PLA2G4C: variants seen among roughly 807,000 people sequenced by gnomAD.
The protein encoded by PLA2G4C is phospholipase A2 group IVC, also known as cytosolic phospholipase A2 gamma.
PLA2G4C carries 64 observed loss-of-function variants against 73.8 expected under a neutral mutation model. That is an observed-to-expected ratio of 0.87 (90% CI 0.71 to 1.07). The LOEUF (loss-of-function observed/expected upper bound fraction) is 1.07. PLA2G4C is among the 50% of genes least tolerant of loss of function. The pLI is 0.00. For missense variants in PLA2G4C, 622 were observed against 665.4 expected (o/e 0.93, Z 0.72); for synonymous variants, 254 against 252.1 (o/e 1.01, Z -0.07).
intron 13 of PLA2G4C, among the ~76,000 whole-genome samples, chr19:48,066,382 T>C (rs972539147): frequency 1.3e-5 from 2 of 152,180 alleles, no homozygotes; most frequent in Non-Finnish European, 2.9e-5. Context: ...CTCATCGCCA[T>C]GATCCAGTGA....
rs566265067 is a variant in PLA2G4C, at chr19:48,105,686, G to A, written c.9-242C>T. On this transcript the variant is annotated intron_variant, in intron 2 of 16. Transcript: ENST00000599921. Reference sequence around the variant, plus strand: ...AAAATGGTTAATTTTGGGGCCAGACGCGGTGGCTCACACCTGTAATCCCAG... The same window carrying A: ...AAAATGGTTAATTTTGGGGCCAGACACGGTGGCTCACACCTGTAATCCCAG... 5.3e-5 allele frequency among the ~76,000 whole-genome samples: 8 copies of A among 151,902 alleles called. No individual in the cohort carries two copies. In the South Asian group the frequency reaches 1.2e-3, roughly 24 times the overall value.
chr19:48,080,176 G>A (rs2030451036), intron 10 of PLA2G4C, among the ~76,000 whole-genome samples: 1 of 151,702 alleles, frequency 6.6e-6, no homozygotes, highest in South Asian at 2.1e-4. Flanking sequence ...GATATGAATA[G>A]ACATTTCTCA....
intron 7 of PLA2G4C, among the ~76,000 whole-genome samples, chr19:48,092,394 C>A (rs1051919417): frequency 2.0e-5 from 3 of 152,180 alleles, no homozygotes; most frequent in African/African-American, 7.2e-5. Context: ...TCCAGCAATT[C>A]TACCTCTGAG....
chr19:48,063,322 G>A (rs900519329), intron 13 of PLA2G4C, among the ~76,000 whole-genome samples: 3 of 152,124 alleles, frequency 2.0e-5, no homozygotes, highest in Non-Finnish European at 2.9e-5. Context: ...CATTACAGGC[G>A]TGAGCCACGG....
intron 5 of PLA2G4C, among the ~76,000 whole-genome samples, chr19:48,099,110 A>T (rs1327577572): frequency 9.3e-5 from 14 of 150,810 alleles, no homozygotes. Context: ...AAAAAAAAAT[A>T]ATTAAAAATT....
intron 12 of PLA2G4C, among the ~76,000 whole-genome samples, chr19:48,068,269 A>C (rs1037571264): frequency 1.2e-4 from 18 of 145,224 alleles, no homozygotes; most frequent in Admixed American, 2.2e-4. Flanking sequence ...CGTGCCACTG[A>C]ACTCCAGCCT....
chr19:48,110,670 C>T lies in PLA2G4C; in HGVS notation c.-216G>A, dbSNP rs1255158948. On this transcript the variant is annotated 5_prime_UTR_variant, in exon 1 of 17. Coordinates refer to ENST00000599921, the MANE Select transcript of PLA2G4C (RefSeq NM_003706.3). ...AAGCTTCTGTGGTCCTCCTGCTTTC[C>T]TTTTCCCCCTGTGGGAGGAGGTCGC... The T allele has an allele frequency of 1.3e-5, 7 of 543,656 alleles. No individual in the cohort carries two copies. The highest frequency in any genetic ancestry group is 1.8e-5 in the Non-Finnish European group (6 of 339,400). The allele number at this position is 543,656 out of a possible 1,614,324, so 33.7% of individuals were successfully genotyped here. A position where few individuals can be genotyped will look rare whatever the true frequency, so the allele number is the denominator to read the frequency against.
intron 10 of PLA2G4C, 35 bp from the exon 11 acceptor site, chr19:48,077,859 T>C (rs561724449): frequency 8.5e-5 from 133 of 1,565,540 alleles, no homozygotes; most frequent in South Asian, 6.3e-4. Context: ...AATGTTTAAC[T>C]GTAAAGTCAC....
intron 16 of PLA2G4C, 143 bp downstream of exon 16, chr19:48,052,854 T>A (rs1462363444): frequency 1.2e-6 from 1 of 812,382 alleles, no homozygotes; most frequent in Non-Finnish European, 1.9e-6. Context: ...GTCTGTCCCC[T>A]GCTGAGACGC....
At chr19:48,053,178 G>A (rs755090871) in intron 15 of PLA2G4C, 31 bp from the exon 16 acceptor site, 4 of 1,511,238 alleles carry the variant, frequency 2.6e-6, no homozygotes, top group Admixed American at 3.7e-5. Context: ...CAAAGAAAAG[G>A]CATCATGAGT....
chr19:48,081,793 C>T (rs1368186087), intron 10 of PLA2G4C, among the ~76,000 whole-genome samples: 1 of 135,758 alleles, frequency 7.4e-6, no homozygotes, highest in African/African-American at 2.5e-5. Context: ...AAACACTACA[C>T]ATTGGGGCCA....
chr19:48,091,068 G>A (rs1329121010), intron 7 of PLA2G4C, among the ~76,000 whole-genome samples: 2 of 152,002 alleles, frequency 1.3e-5, no homozygotes, highest in African/African-American at 4.8e-5. Flanking sequence ...GTGTGGAGGA[G>A]TTCAGCATGA....
chr19:48,110,670 C>CT lies in PLA2G4C; in HGVS notation c.-217dup. 1.8e-6 allele frequency: 1 copy of CT among 543,752 alleles called. No individual in the cohort carries two copies. The highest frequency in any genetic ancestry group is 2.3e-5 in the African/African-American group (1 of 42,838). 33.7% of individuals were successfully genotyped at this position (543,752 alleles called of 1,614,324 possible). A position where few individuals can be genotyped will look rare whatever the true frequency, so the allele number is the denominator to read the frequency against. ...AAGCTTCTGTGGTCCTCCTGCTTTC[C>CT]TTTTCCCCCTGTGGGAGGAGGTCGC... On this transcript the variant is annotated 5_prime_UTR_variant, in exon 1 of 17. Coordinates refer to ENST00000599921, the MANE Select transcript of PLA2G4C (RefSeq NM_003706.3).
At chr19:48,067,472 C>T (rs535934948) in intron 13 of PLA2G4C, among the ~76,000 whole-genome samples, 1 of 151,800 alleles carries the variant, frequency 6.6e-6, no homozygotes, top group Non-Finnish European at 1.5e-5. Flanking sequence ...CCAGCCCATA[C>T]AAGTGTTTTT....
rs1184168997 is a variant in PLA2G4C at position 48,072,249 on chromosome 19, A to T, written c.1006+2518T>A. On this transcript the variant is annotated intron_variant, in intron 12 of 16. Coordinates refer to ENST00000599921, the MANE Select transcript of PLA2G4C (RefSeq NM_003706.3). This position sits in a 1 kb window ranked among gnomAD's most constrained non-coding sequence, Gnocchi z 4.4. ...TCACTCTGAGTGCAGTGGTGCATTCATAGCTCACTGCAGCCTCCAACTCCT... is the reference window on the plus strand; with the variant it reads ...TCACTCTGAGTGCAGTGGTGCATTCTTAGCTCACTGCAGCCTCCAACTCCT... 3 of 152,212 alleles carry T rather than the reference A, an allele frequency of 2.0e-5. No homozygotes were observed. The highest frequency in any genetic ancestry group is 4.8e-5 in the African/African-American group (2 of 41,442). The allele number at this position is 152,212 out of a possible 1,614,324, so 9.4% of individuals were successfully genotyped here.
chr19:48,084,349 T>G (rs533252656), intron 10 of PLA2G4C, among the ~76,000 whole-genome samples: 20 of 151,542 alleles, frequency 1.3e-4, no homozygotes, highest in Non-Finnish European at 2.6e-4. Context: ...CATGAGCCAC[T>G]GCGCCGGGCC....
chr19:48,088,829 G>A (rs1177495201), intron 8 of PLA2G4C, 117 bp from the exon 9 acceptor site: 6 of 815,296 alleles, frequency 7.4e-6, no homozygotes, highest in Non-Finnish European at 1.2e-5. Context: ...GCAGCCATGG[G>A]CTCCAATGGC....
chr19:48,104,838 A>C (rs1318959721), intron 3 of PLA2G4C, 114 bp from the exon 4 acceptor site: 1 of 985,974 alleles, frequency 1.0e-6, no homozygotes, highest in East Asian at 2.6e-5. Context: ...ATCCCAGCAC[A>C]TTGGGAGGCC....
intron 6 of PLA2G4C, among the ~76,000 whole-genome samples, chr19:48,096,208 G>A (rs1010074492): frequency 1.3e-5 from 2 of 152,128 alleles, no homozygotes; most frequent in Non-Finnish European, 2.9e-5. Flanking sequence ...GACTGAATTT[G>A]TGGGGCTTAT....
Sources: gnomAD v4.1 joint callset for allele counts (sites outside exome capture counted in the v4.1 genomes callset) on GRCh38, gnomAD v4.1.1 for gene constraint, Gnocchi (gnomAD v3.1) non-coding constraint, MANE v1.5 for transcripts, NCBI Gene and HGNC (gene_info 2026-07-23, HGNC 2026-07-21) for gene names.